The following KNCN variants were observed in gnomAD, a reference collection of about 807,000 sequenced individuals.
The protein encoded by KNCN is kinocilin.
In KNCN, 11 loss-of-function variants were observed where a neutral mutation model predicts 10.4. The ratio of observed to expected loss-of-function variants is 1.06; its 90% CI spans 0.67 to 1.75. The LOEUF is 1.75. KNCN is among the 40% of genes most tolerant of loss of function. The probability of loss-of-function intolerance (pLI) is 0.00; values close to 1 mark genes in which losing one functional copy is unlikely to be tolerated. For synonymous variants in KNCN, 67 were observed against 71.6 expected (o/e 0.94, Z 0.33); for missense variants, 172 against 167.1 (o/e 1.03, Z -0.16).
In KNCN at chr1:46,547,757, C is replaced by T. The variant is rs201815292; in HGVS notation, c.348G>A (p.Pro116=). 20 of 1,480,134 alleles carry T rather than the reference C, an allele frequency of 1.4e-5. No individual in the cohort carries two copies. The highest frequency in any genetic ancestry group is 5.7e-5 in the South Asian group (4 of 70,764). 91.7% of individuals were successfully genotyped at this position (1,480,134 alleles called of 1,614,324 possible). A position where few individuals can be genotyped will look rare whatever the true frequency, so the allele number is the denominator to read the frequency against. The change falls in exon 4 of 4, where the codon CCG becomes CCA. Residue 116 remains proline (P), a synonymous_variant. Transcript: ENST00000481882. ...AGCATTCCTCAGCCCCCCGGGTCCC[C>T]GGCTTCAGCTTCTCCAGGGTCCTGC... ...TVSRTLEKLK[P]GTRGAEEC
chr1:46,551,196 C>T lies in KNCN; in HGVS notation c.20G>A (p.Ser7Asn), dbSNP rs1667059774. ...CAGCTGCAGGCCGCGGAAGTCTCTGCTGCTGATGGGGATGTCCATGCAGGC... is the reference window on the plus strand; with the variant it reads ...CAGCTGCAGGCCGCGGAAGTCTCTGTTGCTGATGGGGATGTCCATGCAGGC... MDIPIS[S>N]RDFRGLQLAC... The change falls in exon 1 of 4, where the codon AGC becomes AAC. Residue 7 changes from serine (S) to asparagine (N), a missense_variant. Ser to Asn is a conservative substitution (Grantham distance 46). Transcript: ENST00000481882. The surrounding 1 kb of genome is among the most constrained non-coding windows in gnomAD (Gnocchi z 4.0). 1 of 1,609,510 alleles carries T rather than the reference C, an allele frequency of 6.2e-7. No homozygotes were observed. Among genetic ancestry groups the T allele is most frequent in the Non-Finnish European group, 8.5e-7 (1 of 1,178,084 alleles).
chr1:46,550,199 GT>G (rs1326198658), intron 1 of KNCN, among the ~76,000 whole-genome samples, 197 bp from the exon 2 acceptor site: 1 of 152,162 alleles, frequency 6.6e-6, no homozygotes, highest in African/African-American at 2.4e-5. Flanking sequence ...GGCAGTGCCT[GT>G]TTGGGGAAGA....
chr1:46,550,268 G>A (rs1054222081), intron 1 of KNCN, among the ~76,000 whole-genome samples: 5 of 152,104 alleles, frequency 3.3e-5, no homozygotes, highest in African/African-American at 1.2e-4. Context: ...GTGAAGAGCA[G>A]GTTGCTGGAA....
At chr1:46,548,860 G>T (rs772725871) in intron 3 of KNCN, among the ~76,000 whole-genome samples, 3 of 152,254 alleles carry the variant, frequency 2.0e-5, no homozygotes, top group Non-Finnish European at 2.9e-5. Flanking sequence ...ATGGATTCAG[G>T]CTGGGCACGG....
At position 46,547,810 on chromosome 1, in the gene KNCN, C is replaced by T. The variant is rs1339101020; in HGVS notation, c.296-1G>A. 9.6e-6 allele frequency: 14 copies of T among 1,456,018 alleles called. No homozygotes were observed. Among genetic ancestry groups the T allele is most frequent in the Non-Finnish European group, 1.3e-5 (14 of 1,103,684 alleles). 90.2% of individuals were successfully genotyped at this position (1,456,018 alleles called of 1,614,324 possible). ...ACGGTGGACAGGCTGCTGCGGGCTCCTGGGGGAGAGAACAGGGACGAGGAC... is the reference window on the plus strand; with the variant it reads ...ACGGTGGACAGGCTGCTGCGGGCTCTTGGGGGAGAGAACAGGGACGAGGAC... On this transcript the variant is annotated splice_acceptor_variant, in intron 3 of 3. Transcript: ENST00000481882. LOFTEE classifies it high-confidence loss of function.
intron 2 of KNCN, 96 bp downstream of exon 2, chr1:46,549,838 C>A: frequency 6.5e-7 from 1 of 1,546,184 alleles, no homozygotes; most frequent in Non-Finnish European, 8.7e-7. Context: ...CACACATGGG[C>A]TCATCCCAGC....
intron 3 of KNCN, among the ~76,000 whole-genome samples, chr1:46,548,044 C>T (rs752715508): frequency 5.3e-5 from 8 of 152,164 alleles, no homozygotes; most frequent in African/African-American, 1.2e-4. Flanking sequence ...GGGGTAGAGG[C>T]GGGACCCCGG....
rs1007321793 is a variant in KNCN, at chr1:46,546,247, C to A, written c.*1483G>T. ...TTTTTCCAGTGGGGCCTCAGCTTTC[C>A]CATCTGAGATGGACTCTGTGCTTCA... On this transcript the variant is annotated 3_prime_UTR_variant, in exon 4 of 4. Transcript: ENST00000481882. 3 of 152,202 alleles carry A rather than the reference C, an allele frequency of 2.0e-5. No homozygotes were observed. Among genetic ancestry groups the A allele is most frequent in the African/African-American group, 7.2e-5 (3 of 41,450 alleles). 9.4% of individuals were successfully genotyped at this position (152,202 alleles called of 1,614,324 possible).
chr1:46,550,665 C>G (rs1483733373), intron 1 of KNCN, among the ~76,000 whole-genome samples: 1 of 152,130 alleles, frequency 6.6e-6, no homozygotes. Flanking sequence ...AGACGAAACC[C>G]TTTTTCTGAG....
Position 46,551,092 on chromosome 1 carries a change from C to T in KNCN, c.124G>A (p.Gly42Ser), listed in dbSNP as rs564095272. The T allele has an allele frequency of 2.1e-5, 34 of 1,605,586 alleles. No homozygotes were observed. Among genetic ancestry groups the T allele is most frequent in the South Asian group, 7.8e-5 (7 of 89,928 alleles). The change falls in exon 1 of 4, where the codon GGT becomes AGT. Residue 42 changes from glycine (G) to serine (S), a missense_variant. Gly to Ser is a moderately conservative substitution (Grantham distance 56). Transcript: ENST00000481882. This position sits in a 1 kb window ranked among gnomAD's most constrained non-coding sequence, Gnocchi z 4.0. Reference sequence around the variant, plus strand: ...AGAACAGCAGCGCCAATAAAGACACCGCCCATGGCAGCTGCAGCCTTGGAT... The same window carrying T: ...AGAACAGCAGCGCCAATAAAGACACTGCCCATGGCAGCTGCAGCCTTGGAT... Reference protein sequence around the residue: ...SVSKAAAAMGGVFIGAAVLGL... With the variant: ...SVSKAAAAMGSVFIGAAVLGL...
In KNCN at chr1:46,549,957, A is replaced by G. The variant is rs1189650959; in HGVS notation, c.197T>C (p.Leu66Pro). ...AYPFLKARFNLDHILPTIGSL... is the reference protein window; with the variant it reads ...AYPFLKARFNPDHILPTIGSL... ...ACCTATGGTAGGCAGGATGTGGTCC[A>G]GGTTGAACCGAGCCTTCAGGAAGGG... is the stretch of plus-strand genomic sequence containing the variant. Residue 66 changes from leucine (L) to proline (P), a missense_variant, in exon 2 of 4, where the codon CTG (leucine) becomes CCG (proline). Coordinates refer to ENST00000481882, the MANE Select transcript of KNCN (RefSeq NM_001322255.2). 1 of 1,550,670 alleles carries G rather than the reference A, an allele frequency of 6.4e-7. No individual in the cohort carries two copies. The highest frequency in any genetic ancestry group is 8.7e-7 in the Non-Finnish European group (1 of 1,147,000).
At chr1:46,550,160 C>T in intron 1 of KNCN, 158 bp from the exon 2 acceptor site, 1 of 1,424,316 alleles carries the variant, frequency 7.0e-7, no homozygotes, top group East Asian at 2.5e-5. Context: ...AAATGTGAGC[C>T]TGTGGGTGTG....
intron 1 of KNCN, among the ~76,000 whole-genome samples, chr1:46,550,397 G>A (rs1667040457): frequency 6.6e-6 from 1 of 152,162 alleles, no homozygotes. Context: ...TGGGGAGCAG[G>A]AGCAGTGGAG....
rs1331371248 is a variant in KNCN, at chr1:46,546,724, G to T, written c.*1006C>A. 2.6e-5 allele frequency: 4 copies of T among 152,464 alleles called. No homozygotes were observed. The East Asian group carries it at 7.7e-4, about 29-fold the overall frequency. 9.4% of individuals were successfully genotyped at this position (152,464 alleles called of 1,614,324 possible). On this transcript the variant is annotated 3_prime_UTR_variant, in exon 4 of 4. Coordinates refer to ENST00000481882, the MANE Select transcript of KNCN (RefSeq NM_001322255.2). ...CATTAACATTTATTAAGCACCTACT[G>T]GTCTGGTGCTAGACACTAGAGCAGG...
In KNCN at chr1:46,546,150, G is replaced by A. The variant is rs1044542833; in HGVS notation, c.*1580C>T. The A allele has an allele frequency of 6.6e-6, 1 of 152,174 alleles. No homozygotes were observed. Among genetic ancestry groups the A allele is most frequent in the Non-Finnish European group, 1.5e-5 (1 of 68,042 alleles). The allele number at this position is 152,174 out of a possible 1,614,324, so 9.4% of individuals were successfully genotyped here. A position where few individuals can be genotyped will look rare whatever the true frequency, so the allele number is the denominator to read the frequency against. On this transcript the variant is annotated 3_prime_UTR_variant, in exon 4 of 4. Coordinates refer to ENST00000481882, the MANE Select transcript of KNCN (RefSeq NM_001322255.2). ...AGAGGACAGCAGAAGATAGAGCCTT[G>A]GATAGGGAGAGATAGGAGACCTGGC... is the stretch of plus-strand genomic sequence containing the variant.
intron 3 of KNCN, among the ~76,000 whole-genome samples, chr1:46,548,601 G>GGGGAGGGGAAAGGGA (rs1292538347): frequency 6.6e-6 from 1 of 152,168 alleles, no homozygotes; most frequent in African/African-American, 2.4e-5. Context: ...ATAGGACCTG[G>GGGGAGGGGAAAGGGA]GGGAGGGGAA....
intron 3 of KNCN, 105 bp downstream of exon 3, chr1:46,549,088 C>T (rs1342644878): frequency 1.1e-5 from 9 of 812,150 alleles, no homozygotes. Context: ...TTGCAGTGAG[C>T]CGAGATCATG....
At position 46,547,307 on chromosome 1, in the gene KNCN, G is replaced by C; in HGVS notation, c.*423C>G. ...TGGGGGTGGAGGGTCCCTGTCTGTGGTTCTTGTGGGCCTGTGGTTCACTTC... is the reference window on the plus strand; with the variant it reads ...TGGGGGTGGAGGGTCCCTGTCTGTGCTTCTTGTGGGCCTGTGGTTCACTTC... On this transcript the variant is annotated 3_prime_UTR_variant, in exon 4 of 4. Coordinates refer to ENST00000481882, the MANE Select transcript of KNCN (RefSeq NM_001322255.2). 1 of 448,246 alleles carries C rather than the reference G, an allele frequency of 2.2e-6. No homozygotes were observed. The highest frequency in any genetic ancestry group is 4.5e-6 in the Non-Finnish European group (1 of 223,760). The allele number at this position is 448,246 out of a possible 1,614,324, so 27.8% of individuals were successfully genotyped here. A position where few individuals can be genotyped will look rare whatever the true frequency, so the allele number is the denominator to read the frequency against.
chr1:46,551,427 G>C lies in KNCN; in HGVS notation c.-212C>G. ...GGCCCCCCAGTCCCACCTTGACCAGGGATCTGTACGAGGTCACCCAGCTTA... is the reference window on the plus strand; with the variant it reads ...GGCCCCCCAGTCCCACCTTGACCAGCGATCTGTACGAGGTCACCCAGCTTA... On this transcript the variant is annotated 5_prime_UTR_variant, in exon 1 of 4. Coordinates refer to ENST00000481882, the MANE Select transcript of KNCN (RefSeq NM_001322255.2). This position sits in a 1 kb window ranked among gnomAD's most constrained non-coding sequence, Gnocchi z 4.0. 1.9e-6 allele frequency: 1 copy of C among 527,452 alleles called. No individual in the cohort carries two copies. The highest frequency in any genetic ancestry group is 2.0e-5 in the African/African-American group (1 of 50,204). The allele number at this position is 527,452 out of a possible 1,614,324, so 32.7% of individuals were successfully genotyped here.
Sources: allele counts gnomAD v4.1 joint callset (sites outside exome capture counted in the v4.1 genomes callset), GRCh38; gene constraint gnomAD v4.1.1; non-coding constraint Gnocchi (gnomAD v3.1); transcripts MANE v1.5; gene names NCBI Gene and HGNC (gene_info 2026-07-23, HGNC 2026-07-21).